LRP1B: variants seen among roughly 807,000 people sequenced by gnomAD.
LRP1B encodes low-density lipoprotein receptor-related protein 1B.
Under a neutral mutation model 556.6 loss-of-function variants are expected in LRP1B, and 217 were observed. The observed-to-expected ratio is 0.39, with a 90% CI of 0.35 to 0.44. The LOEUF (loss-of-function observed/expected upper bound fraction) is 0.44. Among genes scored for constraint, LRP1B ranks in the 20% least tolerant of loss-of-function variants. The pLI is 1.00. For synonymous variants in LRP1B, 2,047 were observed against 1,865.8 expected (o/e 1.10, Z -2.50); for missense variants, 5,053 against 5,620.8 (o/e 0.90, Z 3.23).
chr2:140,647,708 T>C (rs1684533468), intron 41 of LRP1B, among the ~76,000 whole-genome samples: 1 of 152,182 alleles, frequency 6.6e-6, no homozygotes, highest in Admixed American at 6.5e-5. Context: ...TCACAGGCCA[T>C]CAGAGAAATG....
At chr2:141,484,100 T>A (rs1415433151) in intron 2 of LRP1B, among the ~76,000 whole-genome samples, 1 of 152,100 alleles carries the variant, frequency 6.6e-6, no homozygotes, top group Non-Finnish European at 1.5e-5. Context: ...GTTTTAGGTC[T>A]ATCATTAAGT....
At position 141,286,991 on chromosome 2, in the gene LRP1B, T is replaced by C. The variant is rs149443127; in HGVS notation, c.344-32350A>G. 6.6e-5 allele frequency among the ~76,000 whole-genome samples: 10 copies of C among 152,326 alleles called. No individual in the cohort carries two copies. In the East Asian group the frequency reaches 1.9e-3, roughly 29 times the overall value. ...TTTAGTTAATTTAAATAGCCGTATG[T>C]AGTTGGGGCAAACCATGATGGGTAG... On this transcript the variant is annotated intron_variant, in intron 3 of 90. Coordinates refer to ENST00000389484, the MANE Select transcript of LRP1B (RefSeq NM_018557.3).
chr2:140,256,350 C>T (rs13021003), intron 86 of LRP1B, among the ~76,000 whole-genome samples: 92,555 of 150,946 alleles, frequency 0.61, 29,247 homozygotes, highest in Non-Finnish European at 0.7. Flanking sequence ...TAGCCTCTTA[C>T]GTTTTAACCT....
At chr2:142,043,876 C>T (rs1003500355) in intron 1 of LRP1B, among the ~76,000 whole-genome samples, 14 of 151,492 alleles carry the variant, frequency 9.2e-5, no homozygotes, top group Admixed American at 2.6e-4. Flanking sequence ...GACCAAAAGG[C>T]CATAGAATAC....
At chr2:141,385,025 A>T (rs76424853) in intron 3 of LRP1B, among the ~76,000 whole-genome samples, 8,269 of 151,986 alleles carry the variant, frequency 0.054, 259 homozygotes, top group South Asian at 0.081. Context: ...TCTTTCTAAT[A>T]CCTTTGTCTC....
At chr2:140,263,421 C>G (rs1682038805) in intron 86 of LRP1B, among the ~76,000 whole-genome samples, 1 of 152,000 alleles carries the variant, frequency 6.6e-6, no homozygotes, top group Non-Finnish European at 1.5e-5. Flanking sequence ...TCAGCCATAC[C>G]CTTGATTTCT....
chr2:140,611,082 G>A (rs2105225068), intron 41 of LRP1B, among the ~76,000 whole-genome samples: 1 of 152,286 alleles, frequency 6.6e-6, no homozygotes, highest in African/African-American at 2.4e-5. Flanking sequence ...GCTTAACAAT[G>A]TTGAAGCTCT....
At chr2:140,876,655 T>TCCA (rs1693315477) in intron 25 of LRP1B, among the ~76,000 whole-genome samples, 1 of 152,174 alleles carries the variant, frequency 6.6e-6, no homozygotes, top group African/African-American at 2.4e-5. Flanking sequence ...AAGTTTATCT[T>TCCA]GGAACCTCAA....
intron 1 of LRP1B, among the ~76,000 whole-genome samples, chr2:141,829,711 C>G (rs1697050617): frequency 6.6e-6 from 1 of 151,838 alleles, no homozygotes; most frequent in Non-Finnish European, 1.5e-5. Context: ...CTCCACCTCC[C>G]CCAATAGGAT....
At chr2:141,629,005 A>T (rs1180550892) in intron 2 of LRP1B, among the ~76,000 whole-genome samples, 1 of 152,138 alleles carries the variant, frequency 6.6e-6, no homozygotes, top group Non-Finnish European at 1.5e-5. Context: ...TGTACAACCA[A>T]TCTGTATAAG....
intron 51 of LRP1B, among the ~76,000 whole-genome samples, chr2:140,511,340 C>T (rs1006911655): frequency 4.0e-4 from 45 of 111,170 alleles, no homozygotes; most frequent in African/African-American, 1.5e-3. Context: ...CTCGCTCTGT[C>T]GCCCAGGCTG....
intron 2 of LRP1B, among the ~76,000 whole-genome samples, chr2:141,599,535 G>A (rs1687655768): frequency 6.6e-6 from 1 of 151,988 alleles, no homozygotes; most frequent in South Asian, 2.1e-4. Flanking sequence ...ACCATGGCTG[G>A]AACTTGCAAC....
intron 66 of LRP1B, among the ~76,000 whole-genome samples, chr2:140,409,276 G>C (rs563300707): frequency 6.6e-6 from 1 of 151,630 alleles, no homozygotes; most frequent in African/African-American, 2.4e-5. Flanking sequence ...CTATAAAGTC[G>C]GTGATGTGAT....
intron 43 of LRP1B, among the ~76,000 whole-genome samples, chr2:140,555,282 T>C (rs1574074961): frequency 6.6e-6 from 1 of 151,910 alleles, no homozygotes; most frequent in East Asian, 1.9e-4. Flanking sequence ...AACTATCCTG[T>C]AGTTATACAT....
chr2:141,616,973 G>A (rs1162624567), intron 2 of LRP1B, among the ~76,000 whole-genome samples: 1 of 152,138 alleles, frequency 6.6e-6, no homozygotes, highest in Non-Finnish European at 1.5e-5. Flanking sequence ...ATCTCTGCTT[G>A]GGCAATCAGA....
intron 1 of LRP1B, among the ~76,000 whole-genome samples, chr2:141,905,765 A>ATGTG (rs56309590): frequency 0.04 from 4,040 of 100,166 alleles, 95 homozygotes; most frequent in Middle Eastern, 0.067. Flanking sequence ...GTTTGAATAG[A>ATGTG]TGTGTGTGTG....
At chr2:141,209,684 C>T (rs754316992) in intron 6 of LRP1B, among the ~76,000 whole-genome samples, 1 of 152,026 alleles carries the variant, frequency 6.6e-6, no homozygotes, top group Non-Finnish European at 1.5e-5. Flanking sequence ...TGGTGTCCCC[C>T]AAGGAACACA....
chr2:141,812,315 G>A (rs1214164776), intron 1 of LRP1B, among the ~76,000 whole-genome samples: 11 of 112,286 alleles, frequency 9.8e-5, no homozygotes, highest in Admixed American at 3.1e-4. Context: ...AGGTTTATTA[G>A]TAATTATTAG....
intron 3 of LRP1B, among the ~76,000 whole-genome samples, chr2:141,294,172 CAT>C (rs1340044692): frequency 2.0e-5 from 3 of 151,948 alleles, no homozygotes; most frequent in African/African-American, 7.2e-5. Flanking sequence ...TTTATTTTTT[CAT>C]ATGTTTCTAA....
Sources: allele counts gnomAD v4.1 joint callset (sites outside exome capture counted in the v4.1 genomes callset), GRCh38; gene constraint gnomAD v4.1.1; transcripts MANE v1.5; gene names NCBI Gene and HGNC (gene_info 2026-07-23, HGNC 2026-07-21).